The following HTR7 variants were observed in gnomAD, a reference collection of about 807,000 sequenced individuals.
HTR7 encodes the protein 5-hydroxytryptamine receptor 7.
A neutral mutation model predicts 34.0 loss-of-function variants in HTR7; 16 were observed. That is an observed-to-expected ratio of 0.47 (90% CI 0.32 to 0.71). The LOEUF (loss-of-function observed/expected upper bound fraction) is 0.71, where lower values mean the gene tolerates loss of function less well. HTR7 is among the 30% of genes least tolerant of loss of function. The pLI, the probability that HTR7 is intolerant of heterozygous loss-of-function variation, is 0.04. For missense variants in HTR7, 504 were observed against 625.5 expected, an observed-to-expected ratio of 0.81 and a Z score of 2.07; for synonymous variants, 265 against 260.2, an observed-to-expected ratio of 1.02 and a Z score of -0.18.
chr10:90,822,235 A>C (rs1169331065), intron 1 of HTR7, among the ~76,000 whole-genome samples: 2 of 152,228 alleles, frequency 1.3e-5, no homozygotes, highest in Non-Finnish European at 2.9e-5. Flanking sequence ...AAATGCTGAA[A>C]GTGATATAAA....
chr10:90,848,069 C>CTTTTTTTTTTT lies in HTR7; in HGVS notation c.539+9053_539+9063dup, dbSNP rs61675028. 4.5e-4 allele frequency among the ~76,000 whole-genome samples: 51 copies of CTTTTTTTTTTT among 112,098 alleles called. 2 individuals carry two copies. Among genetic ancestry groups the CTTTTTTTTTTT allele is most frequent in the African/African-American group, 1.1e-3 (29 of 26,218 alleles). The allele number at this position is 112,098 out of a possible 152,430, so 73.5% of individuals were successfully genotyped here. ...TAAAAGCAATCACTCTCTCTTTGTTCTTTTTTTTTTTTTTTTTTTGGCAGG... is the reference window on the plus strand; with the variant it reads ...TAAAAGCAATCACTCTCTCTTTGTTCTTTTTTTTTTTTTTTTTTTTTTTTTTTTTTGGCAGG... On this transcript the variant is annotated intron_variant, in intron 1 of 3. Transcript: ENST00000336152.
chr10:90,810,884 C>G (rs866674312), intron 1 of HTR7, among the ~76,000 whole-genome samples: 9 of 152,314 alleles, frequency 5.9e-5, no homozygotes, highest in Middle Eastern at 3.4e-3. Flanking sequence ...AACACATGTG[C>G]TCTCTCTGCC....
intron 1 of HTR7, among the ~76,000 whole-genome samples, chr10:90,775,022 G>A (rs1845184005): frequency 1.3e-5 from 2 of 152,140 alleles, no homozygotes; most frequent in African/African-American, 2.4e-5. Flanking sequence ...TCTAAATAAC[G>A]AAGAAGATGA....
chr10:90,801,314 G>C (rs1312959569), intron 1 of HTR7, among the ~76,000 whole-genome samples: 2 of 151,996 alleles, frequency 1.3e-5, no homozygotes, highest in Admixed American at 6.5e-5. Context: ...TTTGGTTTTA[G>C]TCTATCTTCC....
intron 1 of HTR7, among the ~76,000 whole-genome samples, chr10:90,772,984 C>G (rs1017069445): frequency 2.6e-5 from 4 of 152,178 alleles, no homozygotes. Flanking sequence ...TTTCTCACTC[C>G]AGAGCTTCCT....
At chr10:90,823,308 T>C (rs949474730) in intron 1 of HTR7, among the ~76,000 whole-genome samples, 6 of 152,182 alleles carry the variant, frequency 3.9e-5, no homozygotes, top group Non-Finnish European at 5.9e-5. Flanking sequence ...GCCCATCCCT[T>C]GTGTCAGTAT....
chr10:90,802,429 C>T (rs1484817013), intron 1 of HTR7, among the ~76,000 whole-genome samples: 4 of 152,122 alleles, frequency 2.6e-5, no homozygotes, highest in Non-Finnish European at 5.9e-5. Flanking sequence ...TGGAGGATCA[C>T]GGGGATTGCT....
intron 2 of HTR7, among the ~76,000 whole-genome samples, chr10:90,744,300 G>T (rs1397823083): frequency 6.7e-6 from 1 of 150,110 alleles, no homozygotes; most frequent in East Asian, 1.9e-4. Flanking sequence ...GACTTCAACT[G>T]TCCCTTACTC....
At chr10:90,785,873 G>A (rs1013551607) in intron 1 of HTR7, among the ~76,000 whole-genome samples, 3 of 152,182 alleles carry the variant, frequency 2.0e-5, no homozygotes, top group African/African-American at 7.2e-5. Flanking sequence ...TGGCCTTGAC[G>A]CCCCTTCTTG....
intron 1 of HTR7, among the ~76,000 whole-genome samples, chr10:90,810,305 C>A (rs185978656): frequency 3.7e-4 from 57 of 152,200 alleles, no homozygotes; most frequent in African/African-American, 1.3e-3. Flanking sequence ...TGTATCCCCC[C>A]ACCTTAACCC....
chr10:90,843,163 CT>C (rs1253183850), intron 1 of HTR7, among the ~76,000 whole-genome samples: 4 of 151,004 alleles, frequency 2.6e-5, no homozygotes, highest in South Asian at 2.1e-4. Context: ...TCCTTCCCTC[CT>C]TTTTTTTTCT....
chr10:90,768,011 T>A (rs969728387), intron 1 of HTR7, among the ~76,000 whole-genome samples: 9 of 152,136 alleles, frequency 5.9e-5, no homozygotes, highest in Non-Finnish European at 1.3e-4. Flanking sequence ...CTCTAACAAG[T>A]TTTTATTAAA....
At chr10:90,853,873 A>G (rs1202540059) in intron 1 of HTR7, among the ~76,000 whole-genome samples, 1 of 152,238 alleles carries the variant, frequency 6.6e-6, no homozygotes, top group African/African-American at 2.4e-5. Flanking sequence ...CAATTAGAAT[A>G]TTGCAGTAAA....
At chr10:90,796,415 G>C (rs1845538792) in intron 1 of HTR7, among the ~76,000 whole-genome samples, 1 of 152,198 alleles carries the variant, frequency 6.6e-6, no homozygotes, top group South Asian at 2.1e-4. Flanking sequence ...TCTTTCAAAA[G>C]TAATTTGTGT....
At chr10:90,745,801 G>A (rs1844624032) in intron 2 of HTR7, among the ~76,000 whole-genome samples, 1 of 152,140 alleles carries the variant, frequency 6.6e-6, no homozygotes, top group African/African-American at 2.4e-5. Flanking sequence ...GTTTACTTAT[G>A]TCAGTGACAA....
intron 1 of HTR7, among the ~76,000 whole-genome samples, chr10:90,763,114 C>T (rs1844966078): frequency 6.6e-6 from 1 of 152,070 alleles, no homozygotes; most frequent in Non-Finnish European, 1.5e-5. Context: ...CTTTGTCTGT[C>T]TGGGGTCTTT....
At position 90,807,407 on chromosome 10, in the gene HTR7, C is replaced by T. The variant is rs557493224; in HGVS notation, c.539+49726G>A. Among the ~76,000 whole-genome samples, 1,069 of 152,166 alleles carry T rather than the reference C, an allele frequency of 7.0e-3. 15 individuals carry two copies. The highest frequency in any genetic ancestry group is 0.024 in the African/African-American group (988 of 41,466). ...GAAGTGAATATGCCCTGCCTCACCT[C>T]AACTGATGACATTCCACCACAAAAG... On this transcript the variant is annotated intron_variant, in intron 1 of 3. Coordinates refer to ENST00000336152, the MANE Select transcript of HTR7 (RefSeq NM_019859.4).
chr10:90,778,083 A>G (rs1374788028), intron 1 of HTR7, among the ~76,000 whole-genome samples: 2 of 152,228 alleles, frequency 1.3e-5, no homozygotes, highest in African/African-American at 4.8e-5. Flanking sequence ...GGATGTTGAC[A>G]TTACTCTATC....
chr10:90,851,187 T>C (rs1262000696), intron 1 of HTR7, among the ~76,000 whole-genome samples: 1 of 152,128 alleles, frequency 6.6e-6, no homozygotes, highest in African/African-American at 2.4e-5. Context: ...GTGATAATAA[T>C]GTTGGCTAAT....
Sources: gnomAD v4.1 joint callset for allele counts (sites outside exome capture counted in the v4.1 genomes callset) on GRCh38, gnomAD v4.1.1 for gene constraint, MANE v1.5 for transcripts, NCBI Gene and HGNC (gene_info 2026-07-23, HGNC 2026-07-21) for gene names.